Variants in FLRT1 observed in about 807,000 individuals in gnomAD.
FLRT1 encodes fibronectin leucine rich transmembrane protein 1, also known as leucine-rich repeat transmembrane protein FLRT1.
In FLRT1, 14 loss-of-function variants were observed where a neutral mutation model predicts 30.9. The ratio of observed to expected loss-of-function variants is 0.45; its 90% CI spans 0.30 to 0.71. The LOEUF (loss-of-function observed/expected upper bound fraction) is 0.71, where lower values mean the gene tolerates loss of function less well. Ranked by LOEUF, FLRT1 falls within the 30% of genes least tolerant of loss-of-function variation. The pLI is 0.08. For missense variants in FLRT1, 737 were observed against 949.2 expected (o/e 0.78, Z 2.94); for synonymous variants, 368 against 430.4 (o/e 0.85, Z 1.80).
intron 1 of FLRT1, among the ~76,000 whole-genome samples, chr11:64,074,316 A>G (rs982125641): frequency 2.0e-5 from 3 of 152,092 alleles, no homozygotes; most frequent in Non-Finnish European, 2.9e-5. Flanking sequence ...CCGAGCTCCT[A>G]TGCATTCTGC....
intron 1 of FLRT1, among the ~76,000 whole-genome samples, chr11:64,039,815 T>C (rs998183758): frequency 6.6e-6 from 1 of 152,206 alleles, no homozygotes; most frequent in Non-Finnish European, 1.5e-5. Context: ...GGAGGTTGTT[T>C]GCTGGATTCC....
intron 2 of FLRT1, among the ~76,000 whole-genome samples, chr11:64,106,278 C>T (rs1270787027): frequency 6.6e-6 from 1 of 152,118 alleles, no homozygotes; most frequent in African/African-American, 2.4e-5. Context: ...GTGGTGAGGG[C>T]ACCCTGGGTC....
chr11:64,057,539 C>T (rs116601004), intron 1 of FLRT1, among the ~76,000 whole-genome samples: 1,768 of 152,334 alleles, frequency 0.012, 37 homozygotes, highest in African/African-American at 0.04. Context: ...ACAGCTGCCA[C>T]GCCCATTTTA....
At chr11:64,056,511 C>T (rs111925477) in intron 1 of FLRT1, among the ~76,000 whole-genome samples, 135 of 152,222 alleles carry the variant, frequency 8.9e-4, no homozygotes, top group African/African-American at 2.9e-3. Flanking sequence ...GACGGAGAGA[C>T]GGAGCCTGGG....
intron 1 of FLRT1, among the ~76,000 whole-genome samples, chr11:64,050,159 C>A (rs2134409959): frequency 6.6e-6 from 1 of 152,184 alleles, no homozygotes; most frequent in Non-Finnish European, 1.5e-5. Context: ...CTTCACCCTG[C>A]CACTCCCACC....
At position 64,117,078 on chromosome 11, in the gene FLRT1, C is replaced by A. The variant is rs1366590826; in HGVS notation, c.811C>A (p.His271Asn). Reference sequence around the variant, plus strand: ...GCCACCCCTCAACCTGCCCAGCGCCCACCTGCAGAAGCTCTACCTGCAGGA... The same window carrying A: ...GCCACCCCTCAACCTGCCCAGCGCCAACCTGCAGAAGCTCTACCTGCAGGA... ...AAPPLNLPSA[H>N]LQKLYLQDNA... Residue 271 changes from histidine (H) to asparagine (N), a missense_variant, in exon 3 of 3, where the codon CAC becomes AAC. His to Asn is a moderately conservative substitution (Grantham distance 68, BLOSUM62 1). Coordinates refer to ENST00000682287, the MANE Select transcript of FLRT1 (RefSeq NM_013280.5). 6.2e-7 allele frequency: 1 copy of A among 1,602,806 alleles called. No homozygotes were observed. The highest frequency in any genetic ancestry group is 1.7e-5 in the Admixed American group (1 of 57,782).
At chr11:64,097,489 T>G (rs1259079117) in intron 1 of FLRT1, among the ~76,000 whole-genome samples, 2 of 152,236 alleles carry the variant, frequency 1.3e-5, no homozygotes, top group Non-Finnish European at 2.9e-5. Flanking sequence ...GTTTCTCTGA[T>G]GGCCATCTTG....
At chr11:64,071,186 C>A (rs879399871) in intron 1 of FLRT1, among the ~76,000 whole-genome samples, 5 of 152,062 alleles carry the variant, frequency 3.3e-5, no homozygotes, top group African/African-American at 7.2e-5. Context: ...CCCCTGGTTT[C>A]CCCCAGCTGC....
chr11:64,059,189 G>A (rs1943849493), intron 1 of FLRT1, among the ~76,000 whole-genome samples: 1 of 152,134 alleles, frequency 6.6e-6, no homozygotes, highest in Admixed American at 6.5e-5. Flanking sequence ...GCAGTAGGAG[G>A]GGCAGCCTGT....
Position 64,041,607 on chromosome 11 carries a change from G to T in FLRT1, c.-1038+5448G>T, listed in dbSNP as rs529870045. Among the ~76,000 whole-genome samples, 47 of 152,132 alleles carry T rather than the reference G, an allele frequency of 3.1e-4. 1 individual carries two copies. The highest frequency in any genetic ancestry group is 9.6e-4 in the African/African-American group (40 of 41,494). On this transcript the variant is annotated intron_variant, in intron 1 of 2. Coordinates refer to ENST00000682287, the MANE Select transcript of FLRT1 (RefSeq NM_013280.5). ...AACAGATGAATGAATGGAAAAAGGG[G>T]TGCAGCCAGGACCGAATGACCGCCT...
rs1002591168 is a variant in FLRT1, at chr11:64,041,378, C to T, written c.-1038+5219C>T. On this transcript the variant is annotated intron_variant, in intron 1 of 2. Coordinates refer to ENST00000682287, the MANE Select transcript of FLRT1 (RefSeq NM_013280.5). ...CCCGTGACGCCTGGGAAATGCTGCT[C>T]GGGAAAATGTCCTCAAAAATGCTGC... Among the ~76,000 whole-genome samples, 12 of 151,930 alleles carry T rather than the reference C, an allele frequency of 7.9e-5. No individual in the cohort carries two copies. The Middle Eastern group carries it at 0.01, about 129-fold the overall frequency.
Position 64,118,469 on chromosome 11 carries a change from A to T in FLRT1, c.*177A>T, listed in dbSNP as rs544383070. 2.7e-4 allele frequency: 167 copies of T among 609,454 alleles called. No homozygotes were observed. In the African/African-American group the frequency reaches 2.8e-3, roughly 10 times the overall value. The allele number at this position is 609,454 out of a possible 1,614,324, so 37.8% of individuals were successfully genotyped here. ...GATTTTGTAGAACACAACAGTGACA[A>T]TTTTTTTTAAAAGAATAGAAGGCAG... is the stretch of plus-strand genomic sequence containing the variant. On this transcript the variant is annotated 3_prime_UTR_variant, in exon 3 of 3. Transcript: ENST00000682287.
intron 1 of FLRT1, among the ~76,000 whole-genome samples, chr11:64,095,921 G>A (rs948660149): frequency 6.6e-6 from 1 of 152,308 alleles, no homozygotes; most frequent in Middle Eastern, 3.4e-3. Context: ...GGCAGAGCCT[G>A]GGTTCTCTGA....
chr11:64,036,423 C>T lies in FLRT1; in HGVS notation c.-1038+264C>T, dbSNP rs530061759. Reference sequence around the variant, plus strand: ...GGGGTGCGCGGCCGGCGGCTCAGCTCTCCCGAGCCGAGGCTGGAAAGGGCG... The same window carrying T: ...GGGGTGCGCGGCCGGCGGCTCAGCTTTCCCGAGCCGAGGCTGGAAAGGGCG... On this transcript the variant is annotated intron_variant, in intron 1 of 2. Transcript: ENST00000682287. This position sits in a 1 kb window ranked among gnomAD's most constrained non-coding sequence, Gnocchi z 5.6. Among the ~76,000 whole-genome samples the T allele has an allele frequency of 1.3e-3, 202 of 152,276 alleles. No individual in the cohort carries two copies. The highest frequency in any genetic ancestry group is 2.9e-3 in the South Asian group (14 of 4,834).
chr11:64,098,865 C>T (rs954661109), intron 1 of FLRT1, among the ~76,000 whole-genome samples: 3 of 152,226 alleles, frequency 2.0e-5, no homozygotes, highest in Non-Finnish European at 4.4e-5. Flanking sequence ...TTTCTAGCAG[C>T]ACATACCAGC....
intron 2 of FLRT1, among the ~76,000 whole-genome samples, chr11:64,108,990 G>A (rs1944813004): frequency 6.6e-6 from 1 of 152,152 alleles, no homozygotes; most frequent in Non-Finnish European, 1.5e-5. Context: ...TGGGGGAGAC[G>A]TGACCAGCAT....
intron 1 of FLRT1, among the ~76,000 whole-genome samples, chr11:64,075,836 C>T (rs1944190569): frequency 6.6e-6 from 1 of 152,240 alleles, no homozygotes; most frequent in Non-Finnish European, 1.5e-5. Flanking sequence ...CCATGCCCAG[C>T]TAATTTTGTA....
chr11:64,108,678 G>A (rs954028216), intron 2 of FLRT1, among the ~76,000 whole-genome samples: 3 of 152,260 alleles, frequency 2.0e-5, no homozygotes, highest in African/African-American at 4.8e-5. Flanking sequence ...CTCTGGGGCT[G>A]AGAAACTGCT....
At chr11:64,056,994 C>T (rs1245068163) in intron 1 of FLRT1, among the ~76,000 whole-genome samples, 1 of 152,210 alleles carries the variant, frequency 6.6e-6, no homozygotes, top group Non-Finnish European at 1.5e-5. Context: ...CCCTTCCTTT[C>T]AGCTTCTGCG....
Sources: allele counts gnomAD v4.1 joint callset (sites outside exome capture counted in the v4.1 genomes callset), GRCh38; gene constraint gnomAD v4.1.1; non-coding constraint Gnocchi (gnomAD v3.1); transcripts MANE v1.5; gene names NCBI Gene and HGNC (gene_info 2026-07-23, HGNC 2026-07-21).